Variants in RANBP17 observed in about 807,000 individuals in gnomAD.
RANBP17 encodes ran-binding protein 17.
A neutral mutation model predicts 141.2 loss-of-function variants in RANBP17; 158 were observed. That is an observed-to-expected ratio of 1.12 (90% CI 0.98 to 1.28). The LOEUF (loss-of-function observed/expected upper bound fraction) is 1.28. RANBP17 is among the 50% of genes most tolerant of loss of function. The pLI, the probability that RANBP17 is intolerant of heterozygous loss-of-function variation, is 0.00. For synonymous variants in RANBP17, 430 were observed against 450.0 expected (o/e 0.96, Z 0.56); for missense variants, 1,438 against 1,290.7 (o/e 1.11, Z -1.75).
intron 4 of RANBP17, among the ~76,000 whole-genome samples, chr5:170,894,424 A>G (rs527465203): frequency 2.0e-5 from 3 of 150,216 alleles, no homozygotes; most frequent in South Asian, 4.3e-4. Flanking sequence ...AAGAAACAAC[A>G]TGTTTTAGCT....
intron 16 of RANBP17, among the ~76,000 whole-genome samples, chr5:171,173,449 TCTCA>T (rs1437391373): frequency 6.6e-6 from 1 of 152,044 alleles, no homozygotes; most frequent in African/African-American, 2.4e-5. Context: ...AAAGCATGTT[TCTCA>T]CTATGAAGTT....
intron 14 of RANBP17, among the ~76,000 whole-genome samples, chr5:171,077,930 G>A (rs1021570838): frequency 1.3e-5 from 2 of 152,142 alleles, no homozygotes; most frequent in Admixed American, 1.3e-4. Context: ...ACTGAGAGAG[G>A]TGAGGAAGCT....
At chr5:170,996,011 T>A (rs747298781) in intron 14 of RANBP17, among the ~76,000 whole-genome samples, 1 of 152,132 alleles carries the variant, frequency 6.6e-6, no homozygotes, top group East Asian at 1.9e-4. Context: ...CACTTCAGCC[T>A]GGCAACATAG....
At chr5:171,038,897 T>A (rs1782058977) in intron 14 of RANBP17, among the ~76,000 whole-genome samples, 1 of 152,198 alleles carries the variant, frequency 6.6e-6, no homozygotes, top group South Asian at 2.1e-4. Context: ...TCTATGTTCA[T>A]CATGGGTATT....
chr5:170,930,987 C>G (rs1323814943), intron 12 of RANBP17, among the ~76,000 whole-genome samples: 1 of 152,204 alleles, frequency 6.6e-6, no homozygotes, highest in Non-Finnish European at 1.5e-5. Flanking sequence ...AATTGCCACA[C>G]TGTCTTCCAC....
chr5:171,138,716 A>T (rs945630352), intron 14 of RANBP17, among the ~76,000 whole-genome samples: 3 of 152,114 alleles, frequency 2.0e-5, no homozygotes, highest in African/African-American at 7.2e-5. Context: ...AACCTTAGGG[A>T]AAACTAAATG....
rs550908834 is a variant in RANBP17 at position 171,016,879 on chromosome 5, C to T, written c.1710+48502C>T. 2.6e-5 allele frequency among the ~76,000 whole-genome samples: 4 copies of T among 151,938 alleles called. No homozygotes were observed. In the East Asian group the frequency reaches 5.8e-4, roughly 22 times the overall value. On this transcript the variant is annotated intron_variant, in intron 14 of 27. Transcript: ENST00000523189. ...TGGTGGTTTGCTGCACCTATTGACC[C>T]GTCCTCTTAAGTTCCCTCCCCTTGC...
At chr5:170,900,582 C>G (rs1018841473) in intron 5 of RANBP17, among the ~76,000 whole-genome samples, 1 of 152,076 alleles carries the variant, frequency 6.6e-6, no homozygotes, top group African/African-American at 2.4e-5. Context: ...TTTTGCTTTT[C>G]TAGTTCTTTT....
intron 14 of RANBP17, among the ~76,000 whole-genome samples, chr5:171,049,375 G>A (rs935212461): frequency 3.5e-4 from 53 of 152,290 alleles, no homozygotes; most frequent in African/African-American, 1.2e-3. Flanking sequence ...TTAGACCTTT[G>A]TTGGATGCAT....
intron 22 of RANBP17, among the ~76,000 whole-genome samples, chr5:171,234,291 T>A (rs561310808): frequency 1.3e-5 from 2 of 151,758 alleles, no homozygotes; most frequent in Admixed American, 6.6e-5. Context: ...AGCAAGGAGG[T>A]CAGTAGCTGA....
intron 1 of RANBP17, among the ~76,000 whole-genome samples, chr5:170,863,878 C>T (rs1006218685): frequency 6.6e-6 from 1 of 152,126 alleles, no homozygotes; most frequent in African/African-American, 2.4e-5. Flanking sequence ...CAGTACATTC[C>T]TGTAGACAGC....
chr5:171,060,271 T>G lies in RANBP17; in HGVS notation c.1710+91894T>G, dbSNP rs561923178. Among the ~76,000 whole-genome samples the G allele has an allele frequency of 7.8e-5, 10 of 127,598 alleles. No homozygotes were observed. In the South Asian group the frequency reaches 1.8e-3, roughly 24 times the overall value. 83.7% of individuals were successfully genotyped at this position (127,598 alleles called of 152,430 possible). On this transcript the variant is annotated intron_variant, in intron 14 of 27. Transcript: ENST00000523189. The stretch of plus-strand genomic sequence containing the variant: ...TTTCAAAGGGAATGCTCCCAGTTTT[T>G]GCCCATTCAGTATGATATTGGCTGT...
At position 170,913,344 on chromosome 5, in the gene RANBP17, G is replaced by GT. The variant is rs142604507; in HGVS notation, c.761-822dup. On this transcript the variant is annotated intron_variant, in intron 7 of 27. Coordinates refer to ENST00000523189, the MANE Select transcript of RANBP17 (RefSeq NM_022897.5). ...AAGTTGAAGGCTCTGGGAGGTAGGG[G>GT]TGGGTGAATGCAAATGATGGGTTAT... 1.3e-3 allele frequency among the ~76,000 whole-genome samples: 200 copies of GT among 152,044 alleles called. 1 individual carries two copies. Among genetic ancestry groups the GT allele is most frequent in the African/African-American group, 4.7e-3 (195 of 41,532 alleles).
intron 24 of RANBP17, chr5:171,252,769 GA>G: frequency 7.6e-7 from 1 of 1,313,610 alleles, no homozygotes; most frequent in East Asian, 2.3e-5. Flanking sequence ...TGCTTCATAT[GA>G]AAGTGTGGAG....
intron 20 of RANBP17, 45 bp downstream of exon 20, chr5:171,205,657 G>A: frequency 1.4e-6 from 2 of 1,462,822 alleles, no homozygotes; most frequent in South Asian, 2.3e-5. Context: ...TGCACAGAGG[G>A]ATGCCAGGCC....
intron 25 of RANBP17, among the ~76,000 whole-genome samples, chr5:171,279,996 A>G (rs554402022): frequency 3.9e-5 from 6 of 152,274 alleles, no homozygotes; most frequent in African/African-American, 7.2e-5. Context: ...AGTAAATGAG[A>G]AGGTTTCCCC....
chr5:171,003,235 A>G (rs1291418981), intron 14 of RANBP17, among the ~76,000 whole-genome samples: 1 of 152,168 alleles, frequency 6.6e-6, no homozygotes, highest in East Asian at 1.9e-4. Context: ...TAATGAAAAC[A>G]GTTAGGATGA....
intron 13 of RANBP17, among the ~76,000 whole-genome samples, chr5:170,956,392 T>G (rs1202377786): frequency 1.3e-5 from 2 of 152,170 alleles, no homozygotes; most frequent in Non-Finnish European, 2.9e-5. Flanking sequence ...TTTTCAACCT[T>G]TAAACTATTT....
chr5:171,030,433 AATATGTGCAGAAGAATCAAAAT>A (rs554680143), intron 14 of RANBP17, among the ~76,000 whole-genome samples: 1,766 of 152,102 alleles, frequency 0.012, 32 homozygotes, highest in African/African-American at 0.041. Flanking sequence ...ATGTTTGTGT[AATATGTGCAGAAGAATCAAAAT>A]ATTTATTGGG....
Sources: gnomAD v4.1 joint callset for allele counts (sites outside exome capture counted in the v4.1 genomes callset) on GRCh38, gnomAD v4.1.1 for gene constraint, MANE v1.5 for transcripts, NCBI Gene and HGNC (gene_info 2026-07-23, HGNC 2026-07-21) for gene names.